Variants in LRP1B observed in about 807,000 individuals in gnomAD.
The protein encoded by LRP1B is low-density lipoprotein receptor-related protein 1B.
LRP1B carries 217 observed loss-of-function variants against 556.6 expected under a neutral mutation model. The observed-to-expected ratio is 0.39, with a 90% CI of 0.35 to 0.44. The LOEUF (loss-of-function observed/expected upper bound fraction) is 0.44, where lower values mean the gene tolerates loss of function less well. Ranked by LOEUF, LRP1B falls within the 20% of genes least tolerant of loss-of-function variation. The pLI is 1.00. For synonymous variants in LRP1B, 2,047 were observed against 1,865.8 expected (o/e 1.10, Z -2.50); for missense variants, 5,053 against 5,620.8 (o/e 0.90, Z 3.23).
intron 37 of LRP1B, among the ~76,000 whole-genome samples, chr2:140,706,319 A>G (rs1349588941): frequency 1.3e-5 from 2 of 152,146 alleles, no homozygotes; most frequent in East Asian, 1.9e-4. Flanking sequence ...ATTTTAGAGT[A>G]TCAGATGGGC....
chr2:140,986,314 G>A (rs1696923921), intron 17 of LRP1B, among the ~76,000 whole-genome samples: 1 of 151,982 alleles, frequency 6.6e-6, no homozygotes, highest in Non-Finnish European at 1.5e-5. Context: ...ACAAGACAAT[G>A]AAAATTTTTA....
intron 3 of LRP1B, among the ~76,000 whole-genome samples, chr2:141,331,021 G>A (rs535948635): frequency 6.6e-6 from 1 of 152,220 alleles, no homozygotes; most frequent in Non-Finnish European, 1.5e-5. Context: ...GCCTCCCAAA[G>A]TGCTGGGATT....
intron 2 of LRP1B, among the ~76,000 whole-genome samples, chr2:141,795,857 A>AAAAAAAATATAT (rs1491180183): frequency 1.9e-5 from 1 of 51,632 alleles, no homozygotes; most frequent in African/African-American, 7.4e-5. Context: ...AACCAGGAGC[A>AAAAAAAATATAT]ATATATATAT....
At chr2:140,425,421 G>A (rs7571680) in intron 66 of LRP1B, among the ~76,000 whole-genome samples, 19,158 of 151,928 alleles carry the variant, frequency 0.13, 1,394 homozygotes, top group African/African-American at 0.2. Context: ...CAGCCCCGCC[G>A]AGACAGAGTC....
At chr2:141,225,672 T>TA (rs1436951187) in intron 6 of LRP1B, among the ~76,000 whole-genome samples, 1 of 152,152 alleles carries the variant, frequency 6.6e-6, no homozygotes, top group Non-Finnish European at 1.5e-5. Flanking sequence ...GTTATCGTTA[T>TA]AAAAAAGAAT....
intron 43 of LRP1B, among the ~76,000 whole-genome samples, chr2:140,598,351 C>G (rs985467259): frequency 6.6e-6 from 1 of 152,126 alleles, no homozygotes; most frequent in Non-Finnish European, 1.5e-5. Flanking sequence ...TCTAACAATT[C>G]CAGTTCTATT....
intron 2 of LRP1B, among the ~76,000 whole-genome samples, chr2:141,751,656 G>C (rs1558850211): frequency 6.6e-6 from 1 of 151,746 alleles, no homozygotes; most frequent in Non-Finnish European, 1.5e-5. Flanking sequence ...CATTTTCATG[G>C]TCAATTACTC....
At chr2:141,349,974 G>T (rs1292765478) in intron 3 of LRP1B, among the ~76,000 whole-genome samples, 1 of 152,094 alleles carries the variant, frequency 6.6e-6, no homozygotes, top group African/African-American at 2.4e-5. Context: ...CCACGTGGCT[G>T]GGGAGGCCAC....
At chr2:140,483,640 A>ATATTT (rs1491228405) in intron 59 of LRP1B, among the ~76,000 whole-genome samples, 7 of 70,734 alleles carry the variant, frequency 9.9e-5, no homozygotes, top group African/African-American at 4.5e-4. Context: ...ATATATATAT[A>ATATTT]TTTTTTTTTT....
At chr2:140,430,751 C>A (rs1450941074) in intron 66 of LRP1B, among the ~76,000 whole-genome samples, 1 of 152,168 alleles carries the variant, frequency 6.6e-6, no homozygotes. Flanking sequence ...AGCCGCTAGC[C>A]CGTCTCTTAG....
chr2:140,852,283 C>T (rs192375307), intron 27 of LRP1B, among the ~76,000 whole-genome samples: 199 of 152,192 alleles, frequency 1.3e-3, no homozygotes, highest in African/African-American at 4.0e-3. Context: ...GCCAAGACTG[C>T]GCCACCACAC....
In LRP1B at chr2:140,247,138, T is replaced by G; in HGVS notation, c.13272A>C (p.Thr4424=). 1 of 1,609,198 alleles carries G rather than the reference T, an allele frequency of 6.2e-7. No individual in the cohort carries two copies. The highest frequency in any genetic ancestry group is 8.5e-7 in the Non-Finnish European group (1 of 1,176,538). Residue 4424 remains threonine, a synonymous_variant, in exon 87 of 91, where the codon ACA becomes ACC. Transcript: ENST00000389484. Reference sequence around the variant, plus strand: ...TCTTTGGGGCTGGCCTTTCACACTGTGTGCCTGACCAGTTGGTGGAGCATC... The same window carrying G: ...TCTTTGGGGCTGGCCTTTCACACTGGGTGCCTGACCAGTTGGTGGAGCATC... The part of the protein sequence containing the change: ...VCLCSTNWSG[T]QCERPAPKSS...
At chr2:141,708,712 A>G (rs966749937) in intron 2 of LRP1B, among the ~76,000 whole-genome samples, 1 of 152,010 alleles carries the variant, frequency 6.6e-6, no homozygotes, top group East Asian at 1.9e-4. Context: ...GTTGTTGGAC[A>G]TAGGGTCTTT....
intron 32 of LRP1B, among the ~76,000 whole-genome samples, chr2:140,796,803 T>A (rs1690332055): frequency 6.6e-6 from 1 of 152,070 alleles, no homozygotes; most frequent in Non-Finnish European, 1.5e-5. Context: ...ATTGTATATA[T>A]CAAATTACAG....
At chr2:140,469,550 T>C (rs970022269) in intron 60 of LRP1B, among the ~76,000 whole-genome samples, 1 of 152,252 alleles carries the variant, frequency 6.6e-6, no homozygotes, top group Admixed American at 6.5e-5. Flanking sequence ...TAGGATTTAC[T>C]GAGATGCATG....
chr2:140,526,698 C>CCA (rs375226914), intron 47 of LRP1B, among the ~76,000 whole-genome samples: 5 of 136,300 alleles, frequency 3.7e-5, no homozygotes, highest in Non-Finnish European at 7.8e-5. Context: ...AGCACTGAGC[C>CCA]AAAAAAAAAA....
chr2:142,107,148 T>C (rs1014708826), intron 1 of LRP1B, among the ~76,000 whole-genome samples: 1 of 152,194 alleles, frequency 6.6e-6, no homozygotes, highest in Non-Finnish European at 1.5e-5. Flanking sequence ...AAACAAGTTC[T>C]ATTTATTACA....
intron 2 of LRP1B, among the ~76,000 whole-genome samples, chr2:141,544,398 T>C (rs1685473076): frequency 8.6e-6 from 1 of 116,536 alleles, no homozygotes. Context: ...CTCCTCCTCC[T>C]CCTCCTCCTC....
intron 11 of LRP1B, among the ~76,000 whole-genome samples, chr2:141,021,163 C>T (rs1698054015): frequency 6.6e-6 from 1 of 152,014 alleles, no homozygotes; most frequent in Admixed American, 6.6e-5. Flanking sequence ...AGAGAGGGAG[C>T]TCTGTATTCA....
Sources: gnomAD v4.1 joint callset for allele counts (sites outside exome capture counted in the v4.1 genomes callset) on GRCh38, gnomAD v4.1.1 for gene constraint, MANE v1.5 for transcripts, NCBI Gene and HGNC (gene_info 2026-07-23, HGNC 2026-07-21) for gene names.